AGBL4: variants seen among roughly 807,000 people sequenced by gnomAD.
AGBL4 encodes cytosolic carboxypeptidase 6.
AGBL4 carries 58 observed loss-of-function variants against 66.4 expected under a neutral mutation model. The observed-to-expected ratio is 0.87, with a 90% confidence interval of 0.71 to 1.09. AGBL4 has a LOEUF of 1.09. Among genes scored for constraint, AGBL4 ranks in the 50% least tolerant of loss-of-function variants. AGBL4 has a pLI of 0.00. For synonymous variants in AGBL4, 234 were observed against 222.9 expected (o/e 1.05, Z -0.44); for missense variants, 579 against 631.0 (o/e 0.92, Z 0.88).
intron 3 of AGBL4, among the ~76,000 whole-genome samples, chr1:49,677,715 T>C (rs1180935628): frequency 1.2e-4 from 18 of 152,090 alleles, no homozygotes; most frequent in Non-Finnish European, 4.4e-5. Context: ...TGTGATGACA[T>C]TTGGAGATGG....
Position 49,264,838 on chromosome 1 carries a change from C to A in AGBL4, c.283-18974G>T, listed in dbSNP as rs375815776. On this transcript the variant is annotated intron_variant, in intron 3 of 13. Coordinates refer to ENST00000371839, the MANE Select transcript of AGBL4 (RefSeq NM_032785.4). Reference sequence around the variant, plus strand: ...GGGATTATAGGCGTGAGCCACCACGCCCGGCCCTCCCAATAATTTTGATAA... The same window carrying A: ...GGGATTATAGGCGTGAGCCACCACGACCGGCCCTCCCAATAATTTTGATAA... 3.2e-4 allele frequency among the ~76,000 whole-genome samples: 49 copies of A among 152,344 alleles called. 1 individual carries two copies. The South Asian group carries it at 9.5e-3, about 30-fold the overall frequency.
At chr1:49,682,279 G>A (rs896870632) in intron 3 of AGBL4, among the ~76,000 whole-genome samples, 4 of 151,998 alleles carry the variant, frequency 2.6e-5, no homozygotes, top group East Asian at 1.9e-4. Flanking sequence ...GGTGGCACAC[G>A]CTTGTAGTCC....
intron 3 of AGBL4, among the ~76,000 whole-genome samples, chr1:49,565,668 G>T (rs1644177348): frequency 6.6e-6 from 1 of 152,166 alleles, no homozygotes; most frequent in Admixed American, 6.5e-5. Context: ...TCTGCCGAGA[G>T]ATCCGCTGTT....
downstream of AGBL4, among the ~76,000 whole-genome samples, chr1:48,527,861 C>T (rs529909163): frequency 1.3e-5 from 2 of 152,180 alleles, no homozygotes; most frequent in African/African-American, 4.8e-5. Context: ...GGATGATATC[C>T]AGGCTCCTGG....
chr1:49,285,427 C>T (rs1385979396), intron 3 of AGBL4, among the ~76,000 whole-genome samples: 1 of 151,642 alleles, frequency 6.6e-6, no homozygotes, highest in African/African-American at 2.4e-5. Flanking sequence ...AGGAAAGATC[C>T]AAAATTGACA....
intron 5 of AGBL4, among the ~76,000 whole-genome samples, chr1:49,032,131 G>T (rs1332080795): frequency 2.0e-5 from 3 of 152,194 alleles, no homozygotes; most frequent in African/African-American, 7.2e-5. Context: ...AAGAAGGCCA[G>T]TGTGGGTAGA....
intron 3 of AGBL4, among the ~76,000 whole-genome samples, chr1:49,326,260 A>T (rs182254981): frequency 6.6e-6 from 1 of 152,132 alleles, no homozygotes; most frequent in Non-Finnish European, 1.5e-5. Flanking sequence ...CTAGGTTTTT[A>T]AAAAAATTCC....
intron 5 of AGBL4, among the ~76,000 whole-genome samples, chr1:49,027,068 A>G (rs999257831): frequency 5.3e-5 from 8 of 152,164 alleles, no homozygotes; most frequent in African/African-American, 1.9e-4. Flanking sequence ...GCTGTGTATA[A>G]AGAGGCTTTT....
intron 11 of AGBL4, among the ~76,000 whole-genome samples, chr1:48,546,864 A>AACACACAC (rs58136623): frequency 0.12 from 15,575 of 128,102 alleles, 1,077 homozygotes; most frequent in East Asian, 0.29. Flanking sequence ...AAAACAAACA[A>AACACACAC]ACACACACAC....
chr1:49,440,572 T>C (rs1450692554), intron 3 of AGBL4, among the ~76,000 whole-genome samples: 1 of 152,122 alleles, frequency 6.6e-6, no homozygotes, highest in Non-Finnish European at 1.5e-5. Flanking sequence ...CTAAGTTCAG[T>C]GGACAAAGTG....
chr1:48,759,117 A>G (rs1644116603), intron 6 of AGBL4: 1 of 1,612,418 alleles, frequency 6.2e-7, no homozygotes, highest in East Asian at 2.2e-5. Flanking sequence ...GGGGCACCAC[A>G]GCATCTTCTA....
chr1:49,899,249 T>C (rs1649527580), intron 1 of AGBL4, among the ~76,000 whole-genome samples: 1 of 151,974 alleles, frequency 6.6e-6, no homozygotes. Flanking sequence ...TATAAATATA[T>C]ACACCTACTA....
At chr1:49,257,843 C>T (rs541971580) in intron 3 of AGBL4, among the ~76,000 whole-genome samples, 2 of 152,264 alleles carry the variant, frequency 1.3e-5, no homozygotes, top group Admixed American at 1.3e-4. Flanking sequence ...GATCTGAGAA[C>T]AGGCAGACTG....
At chr1:49,947,995 T>TAA (rs1357743646) in intron 1 of AGBL4, among the ~76,000 whole-genome samples, 12 of 39,754 alleles carry the variant, frequency 3.0e-4, no homozygotes, top group East Asian at 1.2e-3. Flanking sequence ...TATTTATATA[T>TAA]ATAAATATAT....
At chr1:49,731,849 T>A (rs1049728270) in intron 2 of AGBL4, among the ~76,000 whole-genome samples, 4 of 152,096 alleles carry the variant, frequency 2.6e-5, no homozygotes, top group African/African-American at 9.7e-5. Context: ...ATATACATGA[T>A]AAAAAGAATA....
At chr1:49,787,844 C>G (rs567120295) in intron 2 of AGBL4, among the ~76,000 whole-genome samples, 1 of 152,016 alleles carries the variant, frequency 6.6e-6, no homozygotes, top group African/African-American at 2.4e-5. Context: ...CCTACCAGCT[C>G]GCCTGCACAT....
chr1:48,630,493 T>C (rs115182761), intron 9 of AGBL4, among the ~76,000 whole-genome samples: 1,792 of 152,172 alleles, frequency 0.012, 13 homozygotes, highest in Non-Finnish European at 0.017. Context: ...GTCAAAACCA[T>C]AGGGATCATG....
chr1:49,484,816 G>A (rs1025621578), intron 3 of AGBL4, among the ~76,000 whole-genome samples: 2 of 151,938 alleles, frequency 1.3e-5, no homozygotes, highest in Non-Finnish European at 2.9e-5. Context: ...TTCATGATGT[G>A]ATTGTTACAC....
At chr1:49,037,200 G>A (rs1664737493) in intron 5 of AGBL4, among the ~76,000 whole-genome samples, 3 of 152,070 alleles carry the variant, frequency 2.0e-5, no homozygotes, top group Admixed American at 2.0e-4. Context: ...CTTTTGAAGT[G>A]TTAAGATCAG....
Sources: allele counts gnomAD v4.1 joint callset (sites outside exome capture counted in the v4.1 genomes callset), GRCh38; gene constraint gnomAD v4.1.1; transcripts MANE v1.5; gene names NCBI Gene and HGNC (gene_info 2026-07-23, HGNC 2026-07-21).